PIK3R6: variants seen among roughly 807,000 people sequenced by gnomAD.
PIK3R6 encodes the protein phosphoinositide-3-kinase regulatory subunit 6.
PIK3R6 carries 91 observed loss-of-function variants against 84.9 expected under a neutral mutation model. The observed-to-expected ratio is 1.07, with a 90% CI of 0.90 to 1.28. The LOEUF (loss-of-function observed/expected upper bound fraction) is 1.28, where lower values mean the gene tolerates loss of function less well. Among genes scored for constraint, PIK3R6 ranks in the 50% most tolerant of loss-of-function variants. The pLI, the probability that PIK3R6 is intolerant of heterozygous loss-of-function variation, is 0.00. For missense variants in PIK3R6, 996 were observed against 985.1 expected (o/e 1.01, Z -0.15); for synonymous variants, 416 against 411.4 (o/e 1.01, Z -0.13).
intron 18 of PIK3R6, among the ~76,000 whole-genome samples, chr17:8,811,158 G>A (rs878983084): frequency 6.7e-6 from 1 of 148,694 alleles, no homozygotes; most frequent in African/African-American, 2.5e-5. Flanking sequence ...CATGAAAGCT[G>A]CCAAGCCTTA....
In PIK3R6 at chr17:8,803,377, C is replaced by T. The variant is rs748975517; in HGVS notation, c.2161G>A (p.Ala721Thr). 20 of 1,613,430 alleles carry T rather than the reference C, an allele frequency of 1.2e-5. No individual in the cohort carries two copies. In the Admixed American group the frequency reaches 2.0e-4, roughly 16 times the overall value. ...TGCCCATGCAAATTGAGCCACGGTG[C>T]CTTGGACTTCTGGGCCCCAGAACAT... ...EPCSGAQKSK[A>T]PWLNLHGQQE... is the part of the protein sequence containing the mutation. The change falls in exon 20 of 20, where the codon GCA (alanine) becomes ACA (threonine). Residue 721 changes from alanine (A) to threonine (T), a missense_variant. Ala to Thr is a moderately conservative substitution (Grantham distance 58). Transcript: ENST00000619866. This position sits in a 1 kb window ranked among gnomAD's most constrained non-coding sequence, Gnocchi z 5.0.
chr17:8,828,038 G>T, intron 12 of PIK3R6, 74 bp downstream of exon 12: 2 of 1,454,332 alleles, frequency 1.4e-6, no homozygotes, highest in African/African-American at 1.4e-5. Flanking sequence ...TGTGGGGGAT[G>T]CGGGGCTGCA....
At chr17:8,854,450 C>T (rs188993429) in intron 1 of PIK3R6, among the ~76,000 whole-genome samples, 4 of 152,224 alleles carry the variant, frequency 2.6e-5, no homozygotes, top group African/African-American at 7.2e-5. Flanking sequence ...CTCAGCTTCG[C>T]ACTCCTTATT....
intron 1 of PIK3R6, among the ~76,000 whole-genome samples, chr17:8,853,211 C>T (rs536216119): frequency 6.6e-5 from 10 of 151,246 alleles, no homozygotes; most frequent in Non-Finnish European, 1.0e-4. Context: ...TTAGGTGGGG[C>T]GCAGTAGCTC....
chr17:8,834,222 G>A (rs1567594593), intron 8 of PIK3R6, among the ~76,000 whole-genome samples: 2 of 151,628 alleles, frequency 1.3e-5, no homozygotes, highest in Non-Finnish European at 2.9e-5. Context: ...CAAGCATAGG[G>A]AGTAGCCAGC....
chr17:8,838,824 A>G (rs977595230), intron 3 of PIK3R6, among the ~76,000 whole-genome samples, 169 bp from the exon 4 acceptor site: 2 of 152,190 alleles, frequency 1.3e-5, no homozygotes, highest in African/African-American at 4.8e-5. Flanking sequence ...GGCTCCTCCC[A>G]AGTGGGGAGT....
chr17:8,859,054 T>C (rs2089210517), intron 1 of PIK3R6, among the ~76,000 whole-genome samples: 1 of 152,194 alleles, frequency 6.6e-6, no homozygotes. Context: ...GCAATTGTCT[T>C]GTATGTAAAA....
rs74746205 is a variant in PIK3R6 at position 8,803,782 on chromosome 17, G to T, written c.2108+259C>A. ...AGGGGACTGGATCAGGAGGCTGCAG[G>T]CTGAGTGTATGCAGAGGCATCTGGG... On this transcript the variant is annotated intron_variant, in intron 19 of 19. Coordinates refer to ENST00000619866, the MANE Select transcript of PIK3R6 (RefSeq NM_001010855.4). The surrounding 1 kb of genome is among the most constrained non-coding windows in gnomAD (Gnocchi z 5.0). The T allele has an allele frequency of 1.7e-4, 95 of 575,600 alleles. No homozygotes were observed. The highest frequency in any genetic ancestry group is 2.7e-4 in the Non-Finnish European group (88 of 322,114). The allele number at this position is 575,600 out of a possible 1,614,324, so 35.7% of individuals were successfully genotyped here.
In PIK3R6 at chr17:8,839,817, A is replaced by G; in HGVS notation, c.14-120T>C. ...TGAGCCTCAGGAGGTGCCCGAAGTA[A>G]TCGACTTAGAGCTGGCAGCCAGCAT... On this transcript the variant is annotated intron_variant, in intron 2 of 19. Coordinates refer to ENST00000619866, the MANE Select transcript of PIK3R6 (RefSeq NM_001010855.4). The surrounding 1 kb of genome is among the most constrained non-coding windows in gnomAD (Gnocchi z 4.2). The G allele has an allele frequency of 1.3e-6, 1 of 776,920 alleles. No individual in the cohort carries two copies. The highest frequency in any genetic ancestry group is 2.0e-6 in the Non-Finnish European group (1 of 495,916). 48.1% of individuals were successfully genotyped at this position (776,920 alleles called of 1,614,324 possible). A position where few individuals can be genotyped will look rare whatever the true frequency, so the allele number is the denominator to read the frequency against.
At chr17:8,814,264 G>A (rs2087456852) in intron 18 of PIK3R6, among the ~76,000 whole-genome samples, 1 of 130,350 alleles carries the variant, frequency 7.7e-6, no homozygotes, top group African/African-American at 2.9e-5. Context: ...CTGTTGCCCA[G>A]GCTGGTGTGC....
In PIK3R6 at chr17:8,858,089, C is replaced by G. The variant is rs192422481; in HGVS notation, c.-91-8204G>C. Among the ~76,000 whole-genome samples the G allele has an allele frequency of 1.2e-4, 19 of 152,222 alleles. No homozygotes were observed. In the South Asian group the frequency reaches 3.7e-3, roughly 30 times the overall value. ...TCCTCCCACAGGAGACCTTTGTGGT[C>G]GATTTCCTGTCCTTTGGGGCTGCTG... On this transcript the variant is annotated intron_variant, in intron 1 of 19. Coordinates refer to ENST00000619866, the MANE Select transcript of PIK3R6 (RefSeq NM_001010855.4).
In PIK3R6 at chr17:8,828,916, G is replaced by T. The variant is rs752579780; in HGVS notation, c.964C>A (p.Gln322Lys). 2.3e-5 allele frequency: 35 copies of T among 1,538,612 alleles called. No homozygotes were observed. The East Asian group carries it at 7.3e-4, about 32-fold the overall frequency. ...AACTCCCGGTCCGGCCGGAGGCCCT[G>T]CAGATCCAAGACCTCCAAGTCAGCA... ...LSADLEVLDLQGLRPDRELAR... is the reference protein window; with the variant it reads ...LSADLEVLDLKGLRPDRELAR... Residue 322 changes from glutamine to lysine, a missense_variant, in exon 11 of 20, where the codon CAG becomes AAG. By Grantham distance (53) the Gln-to-Lys change is moderately conservative (BLOSUM62 1). Coordinates refer to ENST00000619866, the MANE Select transcript of PIK3R6 (RefSeq NM_001010855.4).
intron 18 of PIK3R6, among the ~76,000 whole-genome samples, chr17:8,805,169 C>A (rs1169394996): frequency 2.6e-5 from 4 of 152,176 alleles, no homozygotes; most frequent in Non-Finnish European, 4.4e-5. Context: ...AGTCTCTAAG[C>A]CAGGCTGCCC....
intron 1 of PIK3R6, among the ~76,000 whole-genome samples, chr17:8,858,332 T>C (rs2089192635): frequency 6.7e-6 from 1 of 149,300 alleles, no homozygotes; most frequent in African/African-American, 2.5e-5. Context: ...TTTTTTTTTT[T>C]TTTGAGACAG....
At chr17:8,838,709 A>G in intron 3 of PIK3R6, 54 bp from the exon 4 acceptor site, 1 of 1,493,084 alleles carries the variant, frequency 6.7e-7, no homozygotes, top group Non-Finnish European at 9.1e-7. Flanking sequence ...TTCTTAGAGG[A>G]GACCCCTCTG....
rs1268733737 is a variant in PIK3R6, at chr17:8,844,671, T to C, written c.14-4974A>G. Among the ~76,000 whole-genome samples, 1 of 152,094 alleles carries C rather than the reference T, an allele frequency of 6.6e-6. No individual in the cohort carries two copies. Among genetic ancestry groups the C allele is most frequent in the Non-Finnish European group, 1.5e-5 (1 of 68,022 alleles). ...AGGTTCAGGAGGTACATGTGCAGGTTTGTTACCCGGATATATTGCTTGATG... is the reference window on the plus strand; with the variant it reads ...AGGTTCAGGAGGTACATGTGCAGGTCTGTTACCCGGATATATTGCTTGATG... On this transcript the variant is annotated intron_variant, in intron 2 of 19. Coordinates refer to ENST00000619866, the MANE Select transcript of PIK3R6 (RefSeq NM_001010855.4). The surrounding 1 kb of genome is among the most constrained non-coding windows in gnomAD (Gnocchi z 4.5).
intron 8 of PIK3R6, among the ~76,000 whole-genome samples, chr17:8,834,156 CAAAAAA>C (rs71135927): frequency 4.1e-4 from 19 of 46,460 alleles, no homozygotes; most frequent in African/African-American, 1.2e-3. Flanking sequence ...GACTTCGTCT[CAAAAAA>C]AAAAAAAAAA....
At chr17:8,809,031 A>G (rs181321260) in intron 18 of PIK3R6, among the ~76,000 whole-genome samples, 54 of 152,322 alleles carry the variant, frequency 3.5e-4, no homozygotes, top group African/African-American at 1.2e-3. Context: ...GTATTAACAT[A>G]TAAACATAAC....
intron 7 of PIK3R6, among the ~76,000 whole-genome samples, chr17:8,836,153 G>T (rs2088455510): frequency 6.6e-6 from 1 of 152,200 alleles, no homozygotes; most frequent in Non-Finnish European, 1.5e-5. Context: ...TTGTGCACTT[G>T]CGCCTGAGCC....
Sources: gnomAD v4.1 joint callset for allele counts (sites outside exome capture counted in the v4.1 genomes callset) on GRCh38, gnomAD v4.1.1 for gene constraint, Gnocchi (gnomAD v3.1) non-coding constraint, MANE v1.5 for transcripts, NCBI Gene and HGNC (gene_info 2026-07-23, HGNC 2026-07-21) for gene names.